Variants in RIPOR1 observed in about 807,000 individuals in gnomAD.
The protein encoded by RIPOR1 is RHO family interacting cell polarization regulator 1.
In RIPOR1, 58 loss-of-function variants were observed where a neutral mutation model predicts 116.5. The observed-to-expected ratio is 0.50, with a 90% CI of 0.40 to 0.62. The LOEUF (loss-of-function observed/expected upper bound fraction) is 0.62. Ranked by LOEUF, RIPOR1 falls within the 20% of genes least tolerant of loss-of-function variation. The pLI is 0.00. For synonymous variants in RIPOR1, 605 were observed against 650.0 expected, an observed-to-expected ratio of 0.93 and a Z score of 1.05; for missense variants, 1,372 against 1,586.2, an observed-to-expected ratio of 0.86 and a Z score of 2.29.
Position 67,545,000 on chromosome 16 carries a change from G to T in RIPOR1, c.2914G>T (p.Asp972Tyr), listed in dbSNP as rs2051120084. 6.2e-7 allele frequency: 1 copy of T among 1,613,314 alleles called. No homozygotes were observed. Among genetic ancestry groups the T allele is most frequent in the African/African-American group, 1.3e-5 (1 of 74,926 alleles). Residue 972 changes from aspartate (D) to tyrosine (Y), a missense_variant, in exon 17 of 22, where the codon GAC (aspartate) becomes TAC (tyrosine). Asp to Tyr is a radical substitution (Grantham distance 160). Around this residue, in one of 3 missense-constraint regions of RIPOR1, gnomAD observed 1,005 missense variants for 1,144.7 expected, o/e 0.88. Coordinates refer to ENST00000042381, the MANE Select transcript of RIPOR1 (RefSeq NM_024519.4). The surrounding 1 kb of genome is among the most constrained non-coding windows in gnomAD (Gnocchi z 5.1). Reference protein sequence around the residue: ...ASRPGFLTFWDQCTERLSCFL... With the variant: ...ASRPGFLTFWYQCTERLSCFL... ...TCGGCCTGGCTTCCTGACCTTCTGG[G>T]ACCAGTGCACAGAGAGACTCAGCTG...
chr16:67,542,896 C>T lies in RIPOR1; in HGVS notation c.2110C>T (p.Leu704Phe). 1 of 1,611,142 alleles carries T rather than the reference C, an allele frequency of 6.2e-7. No homozygotes were observed. Among genetic ancestry groups the T allele is most frequent in the Non-Finnish European group, 8.5e-7 (1 of 1,178,232 alleles). ...CCCCACCCTCCCAGGCACTGACTCC[C>T]TTCCCTGTAGTCCCCCAGTCTCCAA... is the stretch of plus-strand genomic sequence containing the variant. The part of the protein sequence containing the change: ...SDPTLPGTDS[L>F]PCSPPVSNSY... Residue 704 changes from leucine (L) to phenylalanine (F), a missense_variant, in exon 13 of 22, where the codon CTT becomes TTT. By Grantham distance (22) the Leu-to-Phe change is conservative. Around this residue, in one of 3 missense-constraint regions of RIPOR1, gnomAD observed 1,005 missense variants for 1,144.7 expected, o/e 0.88. Coordinates refer to ENST00000042381, the MANE Select transcript of RIPOR1 (RefSeq NM_024519.4). This position sits in a 1 kb window ranked among gnomAD's most constrained non-coding sequence, Gnocchi z 4.6.
In RIPOR1 at chr16:67,531,711, A is replaced by C. The variant is rs900367673; in HGVS notation, c.-24+2797A>C. The C allele has an allele frequency of 7.0e-6, 3 of 426,246 alleles. No homozygotes were observed. The highest frequency in any genetic ancestry group is 6.1e-5 in the African/African-American group (3 of 48,914). The allele number at this position is 426,246 out of a possible 1,614,324, so 26.4% of individuals were successfully genotyped here. A position where few individuals can be genotyped will look rare whatever the true frequency, so the allele number is the denominator to read the frequency against. ...AGGAGTGGTTGAAAGAATGTGAGGG[A>C]CAGGACAAATCCTGAAGGGCCTACG... On this transcript the variant is annotated intron_variant, in intron 1 of 21. Coordinates refer to ENST00000042381, the MANE Select transcript of RIPOR1 (RefSeq NM_024519.4). This position sits in a 1 kb window ranked among gnomAD's most constrained non-coding sequence, Gnocchi z 4.2.
At position 67,544,363 on chromosome 16, in the gene RIPOR1, A is replaced by T. The variant is rs1175002443; in HGVS notation, c.2665A>T (p.Ser889Cys). ...SIDSPSARPLSTGCPALDAAL... is the reference protein window; with the variant it reads ...SIDSPSARPLCTGCPALDAAL... Reference sequence around the variant, plus strand: ...AGACTCACCCAGTGCCCGCCCCCTCAGCACGGGGTGTCCAGCTCTGGATGC... The same window carrying T: ...AGACTCACCCAGTGCCCGCCCCCTCTGCACGGGGTGTCCAGCTCTGGATGC... Residue 889 changes from serine (S) to cysteine (C), a missense_variant, in exon 15 of 22, where the codon AGC becomes TGC. By Grantham distance (112) the Ser-to-Cys change is moderately radical. Coordinates refer to ENST00000042381, the MANE Select transcript of RIPOR1 (RefSeq NM_024519.4). This position sits in a 1 kb window ranked among gnomAD's most constrained non-coding sequence, Gnocchi z 5.1. The T allele has an allele frequency of 1.2e-6, 2 of 1,613,128 alleles. No individual in the cohort carries two copies. Among genetic ancestry groups the T allele is most frequent in the Non-Finnish European group, 1.7e-6 (2 of 1,179,804 alleles).
At chr16:67,539,551 C>A in intron 4 of RIPOR1, 177 bp from the exon 5 acceptor site, 1 of 781,238 alleles carries the variant, frequency 1.3e-6, no homozygotes, top group Non-Finnish European at 2.2e-6. Flanking sequence ...GGGACCAGAT[C>A]TGTGCTACCA....
At position 67,543,349 on chromosome 16, in the gene RIPOR1, A is replaced by G; in HGVS notation, c.2480A>G (p.Gln827Arg). Residue 827 changes from glutamine to arginine, a missense_variant and splice_region_variant, in exon 14 of 22, where the codon CAG (glutamine) becomes CGG (arginine). Physicochemically the swap from Gln to Arg is conservative, Grantham distance 43. Transcript: ENST00000042381. This position sits in a 1 kb window ranked among gnomAD's most constrained non-coding sequence, Gnocchi z 4.7. ...CTCTGATGCCCTTCACAACCTCAGC[A>G]GAGACAAGGTCTGACTCGCAGCCGG... Reference protein sequence around the residue: ...EVTRLESLLMQRQGLTRSRAS... With the variant: ...EVTRLESLLMRRQGLTRSRAS... 6.2e-7 allele frequency: 1 copy of G among 1,608,390 alleles called. No individual in the cohort carries two copies. Among genetic ancestry groups the G allele is most frequent in the Non-Finnish European group, 8.5e-7 (1 of 1,177,672 alleles).
At chr16:67,532,338 A>C (rs9929024) in intron 1 of RIPOR1, among the ~76,000 whole-genome samples, 2,834 of 152,246 alleles carry the variant, frequency 0.019, 89 homozygotes, top group African/African-American at 0.065. Context: ...CAGGAGTTCA[A>C]GGCTGCAGTG....
chr16:67,526,309 C>A (rs1190334724), upstream of RIPOR1, among the ~76,000 whole-genome samples: 1 of 152,104 alleles, frequency 6.6e-6, no homozygotes, highest in Admixed American at 6.6e-5. Flanking sequence ...GAGCTGCAGG[C>A]TGGGAGTGTA....
rs1465405599 is a variant in RIPOR1 at position 67,544,220 on chromosome 16, G to A, written c.2601-79G>A. On this transcript the variant is annotated intron_variant, in intron 14 of 21. Transcript: ENST00000042381. This position sits in a 1 kb window ranked among gnomAD's most constrained non-coding sequence, Gnocchi z 5.1. The stretch of plus-strand genomic sequence containing the variant: ...TCATCTTCTTCCTTTCTGGCATGGG[G>A]GAAGCTTAATAAAAATAAACGCTGG... 3.3e-6 allele frequency: 5 copies of A among 1,512,118 alleles called. No homozygotes were observed. Among genetic ancestry groups the A allele is most frequent in the African/African-American group, 1.4e-5 (1 of 72,120 alleles). 93.7% of individuals were successfully genotyped at this position (1,512,118 alleles called of 1,614,324 possible). A position where few individuals can be genotyped will look rare whatever the true frequency, so the allele number is the denominator to read the frequency against.
Position 67,543,664 on chromosome 16 carries a change from A to G in RIPOR1, c.2600+195A>G. 1 of 712,676 alleles carries G rather than the reference A, an allele frequency of 1.4e-6. No individual in the cohort carries two copies. Among genetic ancestry groups the G allele is most frequent in the Non-Finnish European group, 2.4e-6 (1 of 425,020 alleles). The allele number at this position is 712,676 out of a possible 1,614,324, so 44.1% of individuals were successfully genotyped here. ...CACCCCTCCCATGTCCTTCATGCCC[A>G]TGTCTCCAACCCTACGTGTGTCCCC... is the stretch of plus-strand genomic sequence containing the variant. On this transcript the variant is annotated intron_variant, in intron 14 of 21. Coordinates refer to ENST00000042381, the MANE Select transcript of RIPOR1 (RefSeq NM_024519.4). The surrounding 1 kb of genome is among the most constrained non-coding windows in gnomAD (Gnocchi z 4.7).
Position 67,537,561 on chromosome 16 carries a change from G to T in RIPOR1, c.-23-863G>T. 7.3e-7 allele frequency: 1 copy of T among 1,377,922 alleles called. No individual in the cohort carries two copies. The highest frequency in any genetic ancestry group is 3.1e-5 in the East Asian group (1 of 32,720). The allele number at this position is 1,377,922 out of a possible 1,614,324, so 85.4% of individuals were successfully genotyped here. On this transcript the variant is annotated intron_variant, in intron 1 of 21. Transcript: ENST00000042381. The surrounding 1 kb of genome is among the most constrained non-coding windows in gnomAD (Gnocchi z 4.6). Reference sequence around the variant, plus strand: ...CCGCGGGGGGCGAGCGCGGGTCGGGGGCCGTCCCGGACCCACCATGAACAC... The same window carrying T: ...CCGCGGGGGGCGAGCGCGGGTCGGGTGCCGTCCCGGACCCACCATGAACAC...
intron 1 of RIPOR1, among the ~76,000 whole-genome samples, chr16:67,520,395 GAAAA>G (rs1022414384): frequency 7.0e-6 from 1 of 142,734 alleles, no homozygotes; most frequent in African/African-American, 2.9e-5. Flanking sequence ...AAAAAGAAAA[GAAAA>G]GGAAGGAAGG....
In RIPOR1 at chr16:67,545,291, G is replaced by A; in HGVS notation, c.3032-85G>A. 1 of 1,554,656 alleles carries A rather than the reference G, an allele frequency of 6.4e-7. No individual in the cohort carries two copies. The highest frequency in any genetic ancestry group is 8.7e-7 in the Non-Finnish European group (1 of 1,148,068). On this transcript the variant is annotated intron_variant, in intron 17 of 21. Coordinates refer to ENST00000042381, the MANE Select transcript of RIPOR1 (RefSeq NM_024519.4). This position sits in a 1 kb window ranked among gnomAD's most constrained non-coding sequence, Gnocchi z 4.8. ...GTGGGGTTTGAACAGGGGGCCCCTG[G>A]ACCTGAGCCTGGGATAGGAGCATCT... is the stretch of plus-strand genomic sequence containing the variant.
In RIPOR1 at chr16:67,540,930, C is replaced by T. The variant is rs2050962641; in HGVS notation, c.801+226C>T. Among the ~76,000 whole-genome samples, 1 of 152,162 alleles carries T rather than the reference C, an allele frequency of 6.6e-6. No homozygotes were observed. The highest frequency in any genetic ancestry group is 1.5e-5 in the Non-Finnish European group (1 of 68,028). On this transcript the variant is annotated intron_variant, in intron 10 of 21. Transcript: ENST00000042381. The surrounding 1 kb of genome is among the most constrained non-coding windows in gnomAD (Gnocchi z 4.7). The stretch of plus-strand genomic sequence containing the variant: ...GTGACCTCCTCATGATCTTCTGACC[C>T]TGTGAATATTTGACCTCCTAAGCTC...
intron 1 of RIPOR1, among the ~76,000 whole-genome samples, chr16:67,534,533 T>C (rs991452613): frequency 2.0e-5 from 3 of 152,310 alleles, no homozygotes; most frequent in Admixed American, 2.0e-4. Context: ...CACACTCATA[T>C]AGAATCAGGA....
chr16:67,538,874 CCG>C, intron 3 of RIPOR1, 50 bp downstream of exon 3: 1 of 1,610,904 alleles, frequency 6.2e-7, no homozygotes, highest in South Asian at 1.1e-5. Flanking sequence ...CTCCCCAAGC[CCG>C]CATCCTGCTA....
At position 67,538,528 on chromosome 16, in the gene RIPOR1, G is replaced by C; in HGVS notation, c.82G>C (p.Gly28Arg). The change falls in exon 2 of 22, where the codon GGC (glycine) becomes CGC (arginine). Residue 28 changes from glycine (G) to arginine (R), a missense_variant. Physicochemically the swap from Gly to Arg is moderately radical, Grantham distance 125 (BLOSUM62 -2). Around this residue, in one of 3 missense-constraint regions of RIPOR1, gnomAD observed 165 missense variants for 145.5 expected, o/e 1.13. Transcript: ENST00000042381. ...GAGCCAGTCCTTCGCAGGCGTCCTC[G>C]GCAGCCACGAGCGGGGGCCCAGGTA... The part of the protein sequence containing the change: ...NRSQSFAGVL[G>R]SHERGPRSFP... 1.2e-6 allele frequency: 2 copies of C among 1,612,188 alleles called. No individual in the cohort carries two copies. Among genetic ancestry groups the C allele is most frequent in the Non-Finnish European group, 1.7e-6 (2 of 1,179,388 alleles).
upstream of RIPOR1, among the ~76,000 whole-genome samples, chr16:67,524,704 T>A (rs1265138057): frequency 2.0e-5 from 3 of 152,226 alleles, no homozygotes; most frequent in African/African-American, 7.2e-5. Context: ...TCATCTGGGA[T>A]GTCTCCCTCT....
intron 1 of RIPOR1, 65 bp downstream of exon 1, chr16:67,528,979 G>GC (rs945098467): frequency 1.9e-4 from 32 of 171,288 alleles, no homozygotes; most frequent in South Asian, 5.8e-4. Flanking sequence ...AGGTTCTGGT[G>GC]CCCCCCCGCC....
Position 67,537,353 on chromosome 16 carries a change from C to T in RIPOR1, c.-23-1071C>T. ...GACCCCAGCTGAGCAGACCCCTCGC[C>T]CCCCGTCGGTCCCCTCCCCGAGGGG... On this transcript the variant is annotated intron_variant, in intron 1 of 21. Transcript: ENST00000042381. This position sits in a 1 kb window ranked among gnomAD's most constrained non-coding sequence, Gnocchi z 4.6. 1 of 1,220,486 alleles carries T rather than the reference C, an allele frequency of 8.2e-7. No homozygotes were observed. Among genetic ancestry groups the T allele is most frequent in the Non-Finnish European group, 1.0e-6 (1 of 978,194 alleles). The allele number at this position is 1,220,486 out of a possible 1,614,324, so 75.6% of individuals were successfully genotyped here.
Sources: gnomAD v4.1 joint callset for allele counts (sites outside exome capture counted in the v4.1 genomes callset) on GRCh38, gnomAD v4.1.1 for gene constraint, gnomAD v4.1.1 regional missense constraint, Gnocchi (gnomAD v3.1) non-coding constraint, MANE v1.5 for transcripts, NCBI Gene and HGNC (gene_info 2026-07-23, HGNC 2026-07-21) for gene names.